Variants in ZNF45 observed in about 807,000 individuals in gnomAD.
ZNF45 encodes BRC1744.
In ZNF45, 4 loss-of-function variants were observed where a neutral mutation model predicts 12.0. That is an observed-to-expected ratio of 0.33 (90% CI 0.16 to 0.76). ZNF45 has a LOEUF of 0.76. Ranked by LOEUF, ZNF45 falls within the 30% of genes least tolerant of loss-of-function variation. The pLI, the probability that ZNF45 is intolerant of heterozygous loss-of-function variation, is 0.60. For synonymous variants in ZNF45, 272 were observed against 279.6 expected (o/e 0.97, Z 0.27); for missense variants, 700 against 813.0 (o/e 0.86, Z 1.69).
intron 3 of ZNF45, chr19:43,930,056 T>C (rs1973994471): frequency 6.6e-6 from 1 of 152,196 alleles, no homozygotes; most frequent in South Asian, 2.1e-4. Flanking sequence ...TTCTGAAGGA[T>C]GGGAAGTCTA....
At chr19:43,921,578 CT>C (rs1973187377) in intron 7 of ZNF45, among the ~76,000 whole-genome samples, 1 of 152,132 alleles carries the variant, frequency 6.6e-6, no homozygotes, top group African/African-American at 2.4e-5. Context: ...ATCAAAAGTA[CT>C]TTTTCAATAT....
intron 4 of ZNF45, 50 bp downstream of exon 4, chr19:43,925,275 A>G (rs1973582989): frequency 6.6e-6 from 1 of 152,208 alleles, no homozygotes; most frequent in South Asian, 2.1e-4. Flanking sequence ...TAAGCCACCC[A>G]GCCTATGGTA....
chr19:43,931,809 G>C (rs572270277), intron 3 of ZNF45, among the ~76,000 whole-genome samples: 1 of 152,296 alleles, frequency 6.6e-6, no homozygotes, highest in South Asian at 2.1e-4. Context: ...CAGTCACTGA[G>C]TGTTCCAACC....
At position 43,913,176 on chromosome 19, in the gene ZNF45, C is replaced by T. The variant is rs1305709371; in HGVS notation, c.*211G>A. On this transcript the variant is annotated 3_prime_UTR_variant, in exon 10 of 10. Coordinates refer to ENST00000269973, the MANE Select transcript of ZNF45 (RefSeq NM_003425.4). ...TACTTCTGATTTACTCCAGATCAGA[C>T]TCATCCTTCCTGATCCTCTTGTCTG... 2.1e-6 allele frequency: 1 copy of T among 473,768 alleles called. No individual in the cohort carries two copies. Among genetic ancestry groups the T allele is most frequent in the Non-Finnish European group, 3.7e-6 (1 of 273,194 alleles). 29.3% of individuals were successfully genotyped at this position (473,768 alleles called of 1,614,324 possible).
At chr19:43,931,528 T>C (rs1433557454) in intron 3 of ZNF45, among the ~76,000 whole-genome samples, 4 of 147,392 alleles carry the variant, frequency 2.7e-5, no homozygotes, top group Non-Finnish European at 6.0e-5. Context: ...AGTAAGACTC[T>C]GTCTCAAAAA....
chr19:43,932,101 G>A (rs1009691850), intron 3 of ZNF45, among the ~76,000 whole-genome samples: 4 of 152,032 alleles, frequency 2.6e-5, no homozygotes, highest in South Asian at 2.1e-4. Context: ...TTTGAGAGGC[G>A]GAGGCGGGCA....
intron 9 of ZNF45, 87 bp downstream of exon 9, chr19:43,918,783 T>C (rs1242352484): frequency 3.7e-6 from 4 of 1,088,950 alleles, no homozygotes; most frequent in Non-Finnish European, 2.8e-6. Flanking sequence ...TTCTAGACTA[T>C]GCCTTCGTCA....
intron 2 of ZNF45, among the ~76,000 whole-genome samples, 195 bp from the exon 3 acceptor site, chr19:43,932,885 T>C (rs975063352): frequency 2.0e-5 from 3 of 152,212 alleles, no homozygotes; most frequent in African/African-American, 7.2e-5. Context: ...GGCTGAATTG[T>C]GTGTGCCTCT....
At chr19:43,916,367 C>T (rs987310702) in intron 9 of ZNF45, among the ~76,000 whole-genome samples, 5 of 152,148 alleles carry the variant, frequency 3.3e-5, no homozygotes, top group Non-Finnish European at 7.4e-5. Flanking sequence ...CCACCTGCCT[C>T]AGTCTCTCAA....
chr19:43,932,896 C>G (rs774684448), intron 2 of ZNF45, among the ~76,000 whole-genome samples: 7 of 152,152 alleles, frequency 4.6e-5, no homozygotes, highest in African/African-American at 7.2e-5. Flanking sequence ...GTGTGCCTCT[C>G]TCAAAACGTT....
At chr19:43,916,107 G>A (rs538699968) in intron 9 of ZNF45, among the ~76,000 whole-genome samples, 82 of 151,604 alleles carry the variant, frequency 5.4e-4, no homozygotes, top group African/African-American at 1.5e-3. Context: ...GCGAGCCACC[G>A]GCACCTGGCC....
rs1342182546 is a variant in ZNF45 at position 43,935,031 on chromosome 19, T to G, written c.-863A>C. ...CAGACGCCTCCCCATTCAGGTCCAC[T>G]TCCAACCAGGGGACTCCCGAACCGC... On this transcript the variant is annotated 5_prime_UTR_variant, in exon 1 of 10. Transcript: ENST00000269973. The G allele has an allele frequency of 1.3e-5, 2 of 152,296 alleles. No individual in the cohort carries two copies. Among genetic ancestry groups the G allele is most frequent in the African/African-American group, 4.8e-5 (2 of 41,438 alleles). The allele number at this position is 152,296 out of a possible 1,614,324, so 9.4% of individuals were successfully genotyped here.
At position 43,913,103 on chromosome 19, in the gene ZNF45, C is replaced by G. The variant is rs1972339152; in HGVS notation, c.*284G>C. The G allele has an allele frequency of 3.3e-6, 1 of 306,102 alleles. No homozygotes were observed. The highest frequency in any genetic ancestry group is 4.4e-5 in the Admixed American group (1 of 22,586). 19.0% of individuals were successfully genotyped at this position (306,102 alleles called of 1,614,324 possible). ...TGGCAGTCAACAAAGTCCCTGCCCT[C>G]TTGGATCTTATATTCTAGTGGAACA... On this transcript the variant is annotated 3_prime_UTR_variant, in exon 10 of 10. Coordinates refer to ENST00000269973, the MANE Select transcript of ZNF45 (RefSeq NM_003425.4).
intron 7 of ZNF45, 151 bp from the exon 8 acceptor site, chr19:43,919,850 G>T (rs756519392): frequency 6.6e-6 from 5 of 757,202 alleles, no homozygotes; most frequent in Non-Finnish European, 9.9e-6. Context: ...CACATATAAA[G>T]TGTATTATAT....
chr19:43,919,366 T>C (rs1161215577), intron 8 of ZNF45, among the ~76,000 whole-genome samples: 1 of 152,132 alleles, frequency 6.6e-6, no homozygotes, highest in Non-Finnish European at 1.5e-5. Flanking sequence ...AGGATAAAAG[T>C]GTATAGTTGT....
In ZNF45 at chr19:43,914,773, T is replaced by C; in HGVS notation, c.663A>G (p.Thr221=). Residue 221 remains threonine, a synonymous_variant, in exon 10 of 10, where the codon ACA becomes ACG. Transcript: ENST00000269973. ...TAAAACTCCTGTAACTTGCATCATTTGTGTATGATTTTGCTCTACTGTGGA... is the reference window on the plus strand; with the variant it reads ...TAAAACTCCTGTAACTTGCATCATTCGTGTATGATTTTGCTCTACTGTGGA... The part of the protein sequence containing the change: ...QRVHSRAKSY[T]NDASYRSFSQ... 1 of 1,614,136 alleles carries C rather than the reference T, an allele frequency of 6.2e-7. No homozygotes were observed. Among genetic ancestry groups the C allele is most frequent in the Non-Finnish European group, 8.5e-7 (1 of 1,180,026 alleles).
intron 3 of ZNF45, among the ~76,000 whole-genome samples, chr19:43,926,939 T>A (rs1257965358): frequency 2.6e-5 from 4 of 152,224 alleles, no homozygotes; most frequent in Admixed American, 2.6e-4. Context: ...GAAGGACTTC[T>A]GGAAAGGAGA....
intron 3 of ZNF45, 197 bp downstream of exon 3, chr19:43,932,403 AGTTT>A (rs1372939802): frequency 6.6e-6 from 1 of 152,184 alleles, no homozygotes; most frequent in Admixed American, 6.5e-5. Flanking sequence ...TCTTTAAGGG[AGTTT>A]GTTTTAGATC....
chr19:43,933,954 A>G (rs1363654369), intron 2 of ZNF45, among the ~76,000 whole-genome samples: 1 of 152,162 alleles, frequency 6.6e-6, no homozygotes, highest in African/African-American at 2.4e-5. Flanking sequence ...CTACAGTAAA[A>G]TTCCAACCTC....
Sources: allele counts gnomAD v4.1 joint callset (sites outside exome capture counted in the v4.1 genomes callset), GRCh38; gene constraint gnomAD v4.1.1; transcripts MANE v1.5; gene names NCBI Gene and HGNC (gene_info 2026-07-23, HGNC 2026-07-21).